CHML: variants seen among roughly 807,000 people sequenced by gnomAD.
The protein encoded by CHML is rab proteins geranylgeranyltransferase component A 2.
CHML carries 20 observed loss-of-function variants against 30.4 expected under a neutral mutation model. That is an observed-to-expected ratio of 0.66 (90% confidence interval 0.46 to 0.95). CHML has a LOEUF of 0.95. Ranked by LOEUF, CHML falls within the 40% of genes least tolerant of loss-of-function variation. The pLI, the probability that CHML is intolerant of heterozygous loss-of-function variation, is 0.00. For missense variants in CHML, 795 were observed against 768.5 expected, an observed-to-expected ratio of 1.03 and a Z score of -0.41; for synonymous variants, 281 against 275.0, an observed-to-expected ratio of 1.02 and a Z score of -0.22.
Position 241,640,015 on chromosome 1 carries a change from C to G in CHML, c.-441G>C, listed in dbSNP as rs73139034. 5.2e-3 allele frequency: 8,324 copies of G among 1,613,294 alleles called. 326 individuals carry two copies. The African/African-American group carries it at 0.097, about 19-fold the overall frequency. ...GCAGGTCGCTGAGGCTGATGTTGAC[C>G]AGGAGGAGGTGAGTGGGAGTGCGGA... On this transcript the variant is annotated 5_prime_UTR_variant, in exon 1 of 2. Coordinates refer to ENST00000366553, the MANE Select transcript of CHML (RefSeq NM_001381853.1).
intron 1 of CHML, among the ~76,000 whole-genome samples, chr1:241,639,681 G>A (rs1255775955): frequency 6.7e-6 from 1 of 150,236 alleles, no homozygotes; most frequent in Admixed American, 6.7e-5. Context: ...GGGGACGGAG[G>A]AAGAGGAAGG....
Position 241,635,305 on chromosome 1 carries a change from A to G in CHML, c.462T>C (p.Pro154=). The change falls in exon 2 of 2, where the codon CCT becomes CCC. Residue 154 remains proline, a synonymous_variant. Transcript: ENST00000366553. ...TATCACTTTTCTGAGTGTGTTTTGC[A>G]GGCATTTCGTCGCTATTAAAATACG... The part of the protein sequence containing the change: ...QLSYFNSDEM[P]AKHTQKSDTE... 1 of 1,613,932 alleles carries G rather than the reference A, an allele frequency of 6.2e-7. No individual in the cohort carries two copies. Among genetic ancestry groups the G allele is most frequent in the Non-Finnish European group, 8.5e-7 (1 of 1,179,906 alleles).
Position 241,635,757 on chromosome 1 carries a change from T to C in CHML, c.10A>G (p.Asn4Asp), listed in dbSNP as rs375852789. 31 of 1,608,282 alleles carry C rather than the reference T, an allele frequency of 1.9e-5. No individual in the cohort carries two copies. Among genetic ancestry groups the C allele is most frequent in the Non-Finnish European group, 2.6e-5 (30 of 1,176,298 alleles). MAD[N>D]LPTEFDVVII... The stretch of plus-strand genomic sequence containing the variant: ...ACCACATCAAACTCTGTGGGAAGAT[T>C]GTCCGCCATTTTAGGAAGTAACAGC... The change falls in exon 2 of 2, where the codon AAT becomes GAT. Residue 4 changes from asparagine to aspartate, a missense_variant. Physicochemically the swap from Asn to Asp is conservative, Grantham distance 23. Coordinates refer to ENST00000366553, the MANE Select transcript of CHML (RefSeq NM_001381853.1).
In CHML at chr1:241,634,191, C is replaced by T. The variant is rs770752839; in HGVS notation, c.1576G>A (p.Val526Met). The T allele has an allele frequency of 6.2e-6, 10 of 1,613,838 alleles. No individual in the cohort carries two copies. The highest frequency in any genetic ancestry group is 5.1e-6 in the Non-Finnish European group (6 of 1,179,892). ...KTAREDLESV[V>M]KKLFTPYTET... ...GTATACGGAGTGAATAATTTCTTCA[C>T]CACTGATTCTAAGTCTTCTCTTGCT... is the stretch of plus-strand genomic sequence containing the variant. Residue 526 changes from valine to methionine, a missense_variant, in exon 2 of 2, where the codon GTG becomes ATG. Transcript: ENST00000366553.
rs762112330 is a variant in CHML, at chr1:241,639,921, C to T, written c.-347G>A. 1.9e-6 allele frequency: 3 copies of T among 1,602,818 alleles called. No individual in the cohort carries two copies. Among genetic ancestry groups the T allele is most frequent in the East Asian group, 4.6e-5 (2 of 43,620 alleles). Reference sequence around the variant, plus strand: ...CTAAACCCGTCCCACACGCAGCCCACGGTGTCCCACACCCAGCCGTTCCTC... The same window carrying T: ...CTAAACCCGTCCCACACGCAGCCCATGGTGTCCCACACCCAGCCGTTCCTC... On this transcript the variant is annotated 5_prime_UTR_variant, in exon 1 of 2. It adds an upstream start codon to the 5' untranslated region. Transcript: ENST00000366553.
chr1:241,629,155 T>C lies in CHML; in HGVS notation c.*4641A>G, dbSNP rs1418031572. The C allele has an allele frequency of 6.6e-6, 1 of 152,454 alleles. No individual in the cohort carries two copies. Among genetic ancestry groups the C allele is most frequent in the Admixed American group, 6.5e-5 (1 of 15,280 alleles). 9.4% of individuals were successfully genotyped at this position (152,454 alleles called of 1,614,324 possible). ...CTTAACCATTTCCAATCGTTGGGCT[T>C]TTTTCCCCCTTAAAGTTATCTGAGT... is the stretch of plus-strand genomic sequence containing the variant. On this transcript the variant is annotated 3_prime_UTR_variant, in exon 2 of 2. Transcript: ENST00000366553.
Position 241,632,089 on chromosome 1 carries a change from T to C in CHML, c.*1707A>G, listed in dbSNP as rs1212890615. 1.3e-5 allele frequency: 2 copies of C among 152,178 alleles called. No individual in the cohort carries two copies. Among genetic ancestry groups the C allele is most frequent in the Non-Finnish European group, 2.9e-5 (2 of 68,018 alleles). 9.4% of individuals were successfully genotyped at this position (152,178 alleles called of 1,614,324 possible). Reference sequence around the variant, plus strand: ...ATTCCCACGTGTTGTGGGAGGAACCTGGTGGGAGATAACTGAATCATGGAG... The same window carrying C: ...ATTCCCACGTGTTGTGGGAGGAACCCGGTGGGAGATAACTGAATCATGGAG... On this transcript the variant is annotated 3_prime_UTR_variant, in exon 2 of 2. Coordinates refer to ENST00000366553, the MANE Select transcript of CHML (RefSeq NM_001381853.1).
rs1263856446 is a variant in CHML, at chr1:241,628,861, C to T, written c.*4935G>A. ...TAATTTTCTCACCAGTTCAGTAAACCACTTTACCAATTAATCTTTTATTTT... is the reference window on the plus strand; with the variant it reads ...TAATTTTCTCACCAGTTCAGTAAACTACTTTACCAATTAATCTTTTATTTT... On this transcript the variant is annotated 3_prime_UTR_variant, in exon 2 of 2. Transcript: ENST00000366553. The T allele has an allele frequency of 3.3e-5, 5 of 152,374 alleles. No individual in the cohort carries two copies. The highest frequency in any genetic ancestry group is 7.4e-5 in the Non-Finnish European group (5 of 67,986). 9.4% of individuals were successfully genotyped at this position (152,374 alleles called of 1,614,324 possible).
Position 241,631,486 on chromosome 1 carries a change from A to C in CHML, c.*2310T>G, listed in dbSNP as rs1211616632. The C allele has an allele frequency of 6.6e-6, 1 of 152,068 alleles. No individual in the cohort carries two copies. The highest frequency in any genetic ancestry group is 1.5e-5 in the Non-Finnish European group (1 of 67,994). The allele number at this position is 152,068 out of a possible 1,614,324, so 9.4% of individuals were successfully genotyped here. On this transcript the variant is annotated 3_prime_UTR_variant, in exon 2 of 2. Transcript: ENST00000366553. The stretch of plus-strand genomic sequence containing the variant: ...CTGTTAGATTTAAACTTTAGGATAA[A>C]GTTTAAATATGACTTTTACTATATT...
rs45534741 is a variant in CHML at position 241,634,034 on chromosome 1, G to A, written c.1733C>T (p.Ser578Phe). The A allele has an allele frequency of 5.5e-5, 89 of 1,613,492 alleles. No individual in the cohort carries two copies. Among genetic ancestry groups the A allele is most frequent in the Non-Finnish European group, 7.2e-5 (85 of 1,179,846 alleles). ...NGLPSNVYVCSGPDCGLGNEH... is the reference protein window; with the variant it reads ...NGLPSNVYVCFGPDCGLGNEH... ...ATTTCCCAGGCCACAGTCAGGCCCA[G>A]AGCAGACATAAACATTGGAAGGCAA... Residue 578 changes from serine to phenylalanine, a missense_variant, in exon 2 of 2, where the codon TCT (serine) becomes TTT (phenylalanine). Coordinates refer to ENST00000366553, the MANE Select transcript of CHML (RefSeq NM_001381853.1).
At position 241,635,270 on chromosome 1, in the gene CHML, G is replaced by A. The variant is rs1198784222; in HGVS notation, c.497C>T (p.Ser166Leu). The change falls in exon 2 of 2, where the codon TCA (serine) becomes TTA (leucine). Residue 166 changes from serine to leucine, a missense_variant. Ser to Leu is a moderately radical substitution (Grantham distance 145). Coordinates refer to ENST00000366553, the MANE Select transcript of CHML (RefSeq NM_001381853.1). ...KHTQKSDTEI[S>L]LEVTDVEESV... The stretch of plus-strand genomic sequence containing the variant: ...TTCCTCTACATCAGTTACTTCTAGT[G>A]AAATCTCTGTATCACTTTTCTGAGT... 3 of 1,613,750 alleles carry A rather than the reference G, an allele frequency of 1.9e-6. No homozygotes were observed. The highest frequency in any genetic ancestry group is 1.7e-5 in the Admixed American group (1 of 59,994).
chr1:241,640,087 G>T lies in CHML; in HGVS notation c.-513C>A. The T allele has an allele frequency of 6.2e-7, 1 of 1,610,184 alleles. No homozygotes were observed. The highest frequency in any genetic ancestry group is 8.5e-7 in the Non-Finnish European group (1 of 1,178,552). On this transcript the variant is annotated 5_prime_UTR_variant, in exon 1 of 2. Transcript: ENST00000366553. ...GGACGAGCACCAGCAGGTTGTTGCC[G>T]ACGCCCAGCAGCCCAATGGAGCCCA...
chr1:241,636,704 T>C (rs1208457729), intron 1 of CHML, among the ~76,000 whole-genome samples: 1 of 152,192 alleles, frequency 6.6e-6, no homozygotes, highest in African/African-American at 2.4e-5. Flanking sequence ...AAAAATATTA[T>C]ATGAATGTAC....
rs558497755 is a variant in CHML, at chr1:241,632,808, T to C, written c.*988A>G. 3 of 152,238 alleles carry C rather than the reference T, an allele frequency of 2.0e-5. No individual in the cohort carries two copies. In the East Asian group the frequency reaches 5.8e-4, roughly 29 times the overall value. 9.4% of individuals were successfully genotyped at this position (152,238 alleles called of 1,614,324 possible). A position where few individuals can be genotyped will look rare whatever the true frequency, so the allele number is the denominator to read the frequency against. ...TATGTTTCATTCTCACTGAAAAACC[T>C]TGGGTAATCTATTTATAGAGGGTTT... On this transcript the variant is annotated 3_prime_UTR_variant, in exon 2 of 2. Transcript: ENST00000366553.
chr1:241,639,763 G>C (rs1366449757), intron 1 of CHML, 119 bp downstream of exon 1: 15 of 1,065,720 alleles, frequency 1.4e-5, no homozygotes, highest in Non-Finnish European at 1.9e-5. Context: ...AGGGCGGGGG[G>C]CGCGGGGCCG....
Position 241,640,219 on chromosome 1 carries a change from G to C in CHML, c.-645C>G. On this transcript the variant is annotated 5_prime_UTR_variant, in exon 1 of 2. The change creates a premature stop within an existing upstream ORF in the 5' untranslated region. Transcript: ENST00000366553. Reference sequence around the variant, plus strand: ...CGCCCGCGGCCCCGCCGCCGTCCCAGTAGCCGTGGCCGCCGCTGCGGTTCC... The same window carrying C: ...CGCCCGCGGCCCCGCCGCCGTCCCACTAGCCGTGGCCGCCGCTGCGGTTCC... 3.0e-6 allele frequency: 4 copies of C among 1,340,710 alleles called. No homozygotes were observed. Among genetic ancestry groups the C allele is most frequent in the South Asian group, 3.9e-5 (2 of 51,428 alleles). 83.1% of individuals were successfully genotyped at this position (1,340,710 alleles called of 1,614,324 possible). A position where few individuals can be genotyped will look rare whatever the true frequency, so the allele number is the denominator to read the frequency against.
At chr1:241,636,495 T>G (rs1320800581) in intron 1 of CHML, among the ~76,000 whole-genome samples, 1 of 152,224 alleles carries the variant, frequency 6.6e-6, no homozygotes, top group Non-Finnish European at 1.5e-5. Flanking sequence ...CTGTGGCCAT[T>G]ACAGTCTATG....
At position 241,635,041 on chromosome 1, in the gene CHML, T is replaced by C. The variant is rs1664827114; in HGVS notation, c.726A>G (p.Gly242=). 6.2e-7 allele frequency: 1 copy of C among 1,613,228 alleles called. No individual in the cohort carries two copies. The highest frequency in any genetic ancestry group is 8.5e-7 in the Non-Finnish European group (1 of 1,179,778). The change falls in exon 2 of 2, where the codon GGA becomes GGG. Residue 242 remains glycine (G), a synonymous_variant. Coordinates refer to ENST00000366553, the MANE Select transcript of CHML (RefSeq NM_001381853.1). ...ATTTGATTAAAAGATCAATTAGCAA[T>C]CCTTGAGAATACAGCAGTTTTGACA... ...DLVSKLLYSQ[G]LLIDLLIKSD...
In CHML at chr1:241,636,004, A is replaced by G. The variant is rs1278695448; in HGVS notation, c.-238T>C. On this transcript the variant is annotated 5_prime_UTR_variant, in exon 2 of 2. It removes an upstream start codon present in the reference 5' UTR. Coordinates refer to ENST00000366553, the MANE Select transcript of CHML (RefSeq NM_001381853.1). ...AATACTAAAATGGATGTGTGGTTTC[A>G]TTTCTGCATTTCATCTTAGCAGTAA... is the stretch of plus-strand genomic sequence containing the variant. The G allele has an allele frequency of 8.2e-6, 4 of 487,516 alleles. No individual in the cohort carries two copies. The highest frequency in any genetic ancestry group is 3.8e-5 in the Admixed American group (1 of 26,594). The allele number at this position is 487,516 out of a possible 1,614,324, so 30.2% of individuals were successfully genotyped here.
Sources: allele counts gnomAD v4.1 joint callset (sites outside exome capture counted in the v4.1 genomes callset), GRCh38; gene constraint gnomAD v4.1.1; transcripts MANE v1.5; gene names NCBI Gene and HGNC (gene_info 2026-07-23, HGNC 2026-07-21).